The following MBOAT2 variants were observed in gnomAD, a reference collection of about 807,000 sequenced individuals.
MBOAT2 encodes the protein membrane bound glycerophospholipid O-acyltransferase 2, also known as membrane-bound glycerophospholipid O-acyltransferase 2.
Under a neutral mutation model 63.4 loss-of-function variants are expected in MBOAT2, and 28 were observed. That is an observed-to-expected ratio of 0.44 (90% CI 0.33 to 0.61). The LOEUF (loss-of-function observed/expected upper bound fraction) is 0.61. Among genes scored for constraint, MBOAT2 ranks in the 20% least tolerant of loss-of-function variants. The pLI is 0.03. For missense variants in MBOAT2, 470 were observed against 605.8 expected (o/e 0.78, Z 2.35); for synonymous variants, 211 against 215.6 (o/e 0.98, Z 0.19).
chr2:8,970,341 T>C (rs988881035), intron 1 of MBOAT2, among the ~76,000 whole-genome samples: 2 of 152,156 alleles, frequency 1.3e-5, no homozygotes, highest in African/African-American at 4.8e-5. Context: ...AGACACAACA[T>C]ACCAGAATCT....
At chr2:8,978,714 C>G (rs1303720028) in intron 1 of MBOAT2, among the ~76,000 whole-genome samples, 3 of 151,950 alleles carry the variant, frequency 2.0e-5, no homozygotes, top group Non-Finnish European at 4.4e-5. Context: ...GCTAATGCAT[C>G]GGAGCCTAAA....
At chr2:8,993,478 T>C (rs906162225) in intron 1 of MBOAT2, among the ~76,000 whole-genome samples, 3 of 152,182 alleles carry the variant, frequency 2.0e-5, no homozygotes, top group African/African-American at 4.8e-5. Context: ...GAGAAGCTTG[T>C]TGGCCAGTGA....
chr2:8,853,859 T>G lies in MBOAT2; in HGVS notation c.*4820A>C, dbSNP rs1399773692. On this transcript the variant is annotated 3_prime_UTR_variant, in exon 13 of 13. Transcript: ENST00000305997. ...AAAAACTGTGTATTTAGGCTGTGTT[T>G]CACAAAATTTCCCAGTCAATGGCCT... 1 of 152,354 alleles carries G rather than the reference T, an allele frequency of 6.6e-6. No homozygotes were observed. Among genetic ancestry groups the G allele is most frequent in the East Asian group, 1.9e-4 (1 of 5,188 alleles). 9.4% of individuals were successfully genotyped at this position (152,354 alleles called of 1,614,324 possible).
At chr2:8,936,988 C>T (rs900019124) in intron 3 of MBOAT2, among the ~76,000 whole-genome samples, 5 of 152,156 alleles carry the variant, frequency 3.3e-5, no homozygotes, top group Admixed American at 6.5e-5. Flanking sequence ...CAATTAGGTA[C>T]GCCTGAAACA....
intron 3 of MBOAT2, among the ~76,000 whole-genome samples, chr2:8,909,072 G>T (rs1448695028): frequency 6.6e-6 from 1 of 151,996 alleles, no homozygotes; most frequent in Non-Finnish European, 1.5e-5. Context: ...TTTGGCTAAG[G>T]TATACATTCA....
chr2:8,960,584 C>T (rs1406520763), intron 1 of MBOAT2, among the ~76,000 whole-genome samples: 3 of 152,194 alleles, frequency 2.0e-5, no homozygotes, highest in African/African-American at 7.2e-5. Context: ...TAGGAGGGGG[C>T]AGCTTCCCTT....
chr2:8,888,756 G>T (rs1443984393), intron 4 of MBOAT2, among the ~76,000 whole-genome samples: 1 of 152,034 alleles, frequency 6.6e-6, no homozygotes, highest in Admixed American at 6.5e-5. Context: ...GGCTGGGCAC[G>T]GTGGCTCATG....
At chr2:8,935,501 T>A (rs1049207091) in intron 3 of MBOAT2, among the ~76,000 whole-genome samples, 2 of 152,172 alleles carry the variant, frequency 1.3e-5, no homozygotes, top group African/African-American at 4.8e-5. Context: ...GTATGAATAC[T>A]TAAAAACAAG....
intron 4 of MBOAT2, among the ~76,000 whole-genome samples, chr2:8,896,557 AG>A (rs1664493018): frequency 6.6e-6 from 1 of 152,222 alleles, no homozygotes; most frequent in Admixed American, 6.5e-5. Context: ...GTTAACTTTT[AG>A]CAAAATTTAC....
At chr2:8,970,215 C>T (rs1670345819) in intron 1 of MBOAT2, among the ~76,000 whole-genome samples, 1 of 152,198 alleles carries the variant, frequency 6.6e-6, no homozygotes, top group Non-Finnish European at 1.5e-5. Context: ...CATTAAGAAA[C>T]TCACTCAAAA....
At chr2:8,906,598 A>C (rs543119201) in intron 4 of MBOAT2, among the ~76,000 whole-genome samples, 6 of 152,364 alleles carry the variant, frequency 3.9e-5, no homozygotes, top group African/African-American at 1.4e-4. Context: ...AAATAATGTT[A>C]CTGTTTTAAA....
chr2:8,899,407 A>G (rs1664741008), intron 4 of MBOAT2, among the ~76,000 whole-genome samples: 1 of 151,602 alleles, frequency 6.6e-6, no homozygotes, highest in African/African-American at 2.4e-5. Flanking sequence ...CCTTGAGGAC[A>G]GTCATCCAGG....
In MBOAT2 at chr2:8,852,701, T is replaced by C. The variant is rs1331210401; in HGVS notation, c.*5978A>G. The C allele has an allele frequency of 6.6e-6, 1 of 152,090 alleles. No homozygotes were observed. Among genetic ancestry groups the C allele is most frequent in the South Asian group, 2.1e-4 (1 of 4,828 alleles). The allele number at this position is 152,090 out of a possible 1,614,324, so 9.4% of individuals were successfully genotyped here. ...AACACACACACGCATATTTTTAAACTACTGTTTAATCAGTTGTAAAGACAC... is the reference window on the plus strand; with the variant it reads ...AACACACACACGCATATTTTTAAACCACTGTTTAATCAGTTGTAAAGACAC... On this transcript the variant is annotated 3_prime_UTR_variant, in exon 13 of 13. Transcript: ENST00000305997.
intron 4 of MBOAT2, among the ~76,000 whole-genome samples, chr2:8,898,216 C>CT (rs1459282754): frequency 6.6e-6 from 1 of 152,126 alleles, no homozygotes; most frequent in Non-Finnish European, 1.5e-5. Context: ...CTAGGGCCTG[C>CT]TTTAAGGTTT....
chr2:8,967,256 A>G lies in MBOAT2; in HGVS notation c.76-8614T>C, dbSNP rs1384228462. Reference sequence around the variant, plus strand: ...ACAACAAGGGATTTTGTGGGCTGGTAATGTTTCTACTTTTTGCCCAGGGTG... The same window carrying G: ...ACAACAAGGGATTTTGTGGGCTGGTGATGTTTCTACTTTTTGCCCAGGGTG... On this transcript the variant is annotated intron_variant, in intron 1 of 12. Coordinates refer to ENST00000305997, the MANE Select transcript of MBOAT2 (RefSeq NM_138799.4). 2.6e-5 allele frequency among the ~76,000 whole-genome samples: 4 copies of G among 152,218 alleles called. No individual in the cohort carries two copies. In the East Asian group the frequency reaches 7.7e-4, roughly 29 times the overall value.
intron 1 of MBOAT2, among the ~76,000 whole-genome samples, chr2:8,968,801 A>T (rs1233773984): frequency 6.6e-6 from 1 of 152,248 alleles, no homozygotes; most frequent in Non-Finnish European, 1.5e-5. Context: ...CAAATGAATG[A>T]AATGAAGCGA....
At chr2:8,918,822 T>C (rs996364889) in intron 3 of MBOAT2, among the ~76,000 whole-genome samples, 1 of 152,210 alleles carries the variant, frequency 6.6e-6, no homozygotes, top group African/African-American at 2.4e-5. Flanking sequence ...AAGTGTATAA[T>C]TCAACAATTT....
chr2:8,877,488 A>C (rs776619803), intron 6 of MBOAT2, among the ~76,000 whole-genome samples: 1 of 152,212 alleles, frequency 6.6e-6, no homozygotes, highest in Non-Finnish European at 1.5e-5. Context: ...CACTATCTGC[A>C]AAGTGCTGTC....
intron 3 of MBOAT2, among the ~76,000 whole-genome samples, chr2:8,934,493 T>C (rs1361667677): frequency 6.6e-6 from 1 of 152,232 alleles, no homozygotes; most frequent in Non-Finnish European, 1.5e-5. Context: ...TAGGATGCAA[T>C]AGCATGTGCT....
Sources: gnomAD v4.1 joint callset for allele counts (sites outside exome capture counted in the v4.1 genomes callset) on GRCh38, gnomAD v4.1.1 for gene constraint, MANE v1.5 for transcripts, NCBI Gene and HGNC (gene_info 2026-07-23, HGNC 2026-07-21) for gene names.